The following UQCC1 variants were observed in gnomAD, a reference collection of about 807,000 sequenced individuals.
UQCC1 encodes the protein ubiquinol-cytochrome c reductase complex assembly factor 1.
A neutral mutation model predicts 48.0 loss-of-function variants in UQCC1; 38 were observed. That is an observed-to-expected ratio of 0.79 (90% CI 0.61 to 1.04). UQCC1 has a LOEUF of 1.04. Among genes scored for constraint, UQCC1 ranks in the 50% least tolerant of loss-of-function variants. The pLI, the probability that UQCC1 is intolerant of heterozygous loss-of-function variation, is 0.00. For missense variants in UQCC1, 368 were observed against 381.8 expected (o/e 0.96, Z 0.30); for synonymous variants, 111 against 129.2 (o/e 0.86, Z 0.95).
In UQCC1 at chr20:35,307,170, C is replaced by T. The variant is rs878640; in HGVS notation, c.652-391G>A. ...TGCTCCCCCTGCTGTCCACAGGGCA[C>T]GGGCTGGGAATATTGTGAATGTATG... On this transcript the variant is annotated intron_variant, in intron 8 of 9. Coordinates refer to ENST00000374385, the MANE Select transcript of UQCC1 (RefSeq NM_018244.5). 2,074 of 313,874 alleles carry T rather than the reference C, an allele frequency of 6.6e-3. 19 individuals carry two copies. The highest frequency in any genetic ancestry group is 0.041 in the East Asian group (509 of 12,276). 19.4% of individuals were successfully genotyped at this position (313,874 alleles called of 1,614,324 possible). A position where few individuals can be genotyped will look rare whatever the true frequency, so the allele number is the denominator to read the frequency against.
chr20:35,332,697 G>A (rs1167868531), intron 7 of UQCC1, among the ~76,000 whole-genome samples: 1 of 152,196 alleles, frequency 6.6e-6, no homozygotes, highest in African/African-American at 2.4e-5. Flanking sequence ...TCAGTCCTGG[G>A]GAATGCCTAG....
intron 4 of UQCC1, among the ~76,000 whole-genome samples, chr20:35,380,759 GA>G (rs201297763): frequency 2.4e-4 from 37 of 152,304 alleles, no homozygotes; most frequent in East Asian, 7.7e-4. Context: ...CTGCCATAGT[GA>G]AAGAGAGAAA....
intron 1 of UQCC1, among the ~76,000 whole-genome samples, chr20:35,397,174 G>A (rs1265908447): frequency 6.6e-6 from 1 of 151,004 alleles, no homozygotes; most frequent in Non-Finnish European, 1.5e-5. Context: ...ACTCCAGCCT[G>A]GGCGATAGAG....
chr20:35,351,165 C>T (rs1328749450), intron 6 of UQCC1, among the ~76,000 whole-genome samples: 12 of 151,770 alleles, frequency 7.9e-5, no homozygotes, highest in South Asian at 2.1e-4. Flanking sequence ...CTGAGGTGAG[C>T]GGATTACTTG....
intron 6 of UQCC1, among the ~76,000 whole-genome samples, chr20:35,362,149 G>A (rs949689094): frequency 1.4e-4 from 22 of 152,160 alleles, no homozygotes; most frequent in African/African-American, 4.8e-4. Context: ...GGAAAAACAG[G>A]AATTTGTCAA....
At chr20:35,395,721 C>T (rs2062068230) in intron 1 of UQCC1, among the ~76,000 whole-genome samples, 2 of 152,052 alleles carry the variant, frequency 1.3e-5, no homozygotes, top group Non-Finnish European at 2.9e-5. Flanking sequence ...CCTTTAGTAC[C>T]TAAGTTTAAA....
rs557145557 is a variant in UQCC1, at chr20:35,353,994, A to G, written c.465-6722T>C. On this transcript the variant is annotated intron_variant, in intron 6 of 9. Transcript: ENST00000374385. The stretch of plus-strand genomic sequence containing the variant: ...TATGTTTAGATACATTTAGATACAC[A>G]AATACTTACCATTATAACTGCTTAC... Among the ~76,000 whole-genome samples, 3 of 152,306 alleles carry G rather than the reference A, an allele frequency of 2.0e-5. No individual in the cohort carries two copies. In the South Asian group the frequency reaches 6.2e-4, roughly 32 times the overall value.
At chr20:35,400,143 C>T (rs1423907838) in intron 1 of UQCC1, among the ~76,000 whole-genome samples, 1 of 151,840 alleles carries the variant, frequency 6.6e-6, no homozygotes, top group South Asian at 2.1e-4. Flanking sequence ...CCAGGCTGGT[C>T]TCAAACTCCT....
intron 5 of UQCC1, among the ~76,000 whole-genome samples, chr20:35,370,235 T>C (rs931574531): frequency 1.6e-5 from 2 of 126,260 alleles, no homozygotes; most frequent in Non-Finnish European, 3.8e-5. Flanking sequence ...CTCTTGTTTC[T>C]TTTTTTTTTT....
At chr20:35,399,522 C>G (rs2062128698) in intron 1 of UQCC1, among the ~76,000 whole-genome samples, 1 of 152,084 alleles carries the variant, frequency 6.6e-6, no homozygotes, top group Non-Finnish European at 1.5e-5. Flanking sequence ...TGGGACTCTC[C>G]TCTTCACTCC....
At chr20:35,364,169 A>T (rs2061639657) in intron 6 of UQCC1, among the ~76,000 whole-genome samples, 3 of 152,048 alleles carry the variant, frequency 2.0e-5, no homozygotes, top group Admixed American at 2.0e-4. Context: ...CCTCAATCTA[A>T]AATGCCCACC....
At chr20:35,351,914 G>A (rs918217670) in intron 6 of UQCC1, among the ~76,000 whole-genome samples, 8 of 152,236 alleles carry the variant, frequency 5.3e-5, no homozygotes, top group Non-Finnish European at 1.0e-4. Flanking sequence ...TTCCTATTGT[G>A]TGAAGGTGTA....
chr20:35,387,846 T>G (rs916831218), intron 2 of UQCC1, among the ~76,000 whole-genome samples: 7 of 152,016 alleles, frequency 4.6e-5, no homozygotes, highest in African/African-American at 1.7e-4. Flanking sequence ...GGAGAAAACT[T>G]TCCCAAGCAA....
At chr20:35,395,637 A>G (rs1457169380) in intron 1 of UQCC1, among the ~76,000 whole-genome samples, 2 of 152,188 alleles carry the variant, frequency 1.3e-5, no homozygotes, top group African/African-American at 2.4e-5. Flanking sequence ...GGTTGCAGCC[A>G]CAGGCCAGGA....
At chr20:35,381,146 C>T (rs2061861975) in intron 4 of UQCC1, among the ~76,000 whole-genome samples, 1 of 152,172 alleles carries the variant, frequency 6.6e-6, no homozygotes, top group Non-Finnish European at 1.5e-5. Flanking sequence ...ACTATTATAA[C>T]AGATAATGTG....
intron 9 of UQCC1, 146 bp from the exon 10 acceptor site, chr20:35,304,215 C>T: frequency 9.8e-7 from 1 of 1,022,036 alleles, no homozygotes. Flanking sequence ...CCAGACCAAG[C>T]CGTCCCAGGC....
chr20:35,343,317 C>G (rs1021840903), intron 7 of UQCC1, among the ~76,000 whole-genome samples: 7 of 152,128 alleles, frequency 4.6e-5, no homozygotes, highest in Admixed American at 6.5e-5. Flanking sequence ...TCTTTTAATA[C>G]AGAAACTGAA....
At chr20:35,314,644 G>A (rs2061036707) in intron 8 of UQCC1, 44 bp downstream of exon 8, 3 of 1,538,960 alleles carry the variant, frequency 1.9e-6, no homozygotes, top group African/African-American at 1.4e-5. Context: ...AGCCTTTGCT[G>A]GGGGAGGCCA....
At chr20:35,411,886 G>C (rs565115130) in intron 1 of UQCC1, 54 bp downstream of exon 1, 1 of 1,612,440 alleles carries the variant, frequency 6.2e-7, no homozygotes, top group Non-Finnish European at 8.5e-7. Flanking sequence ...CTGCCTTGTC[G>C]AACTCCAACC....
Sources: allele counts gnomAD v4.1 joint callset (sites outside exome capture counted in the v4.1 genomes callset), GRCh38; gene constraint gnomAD v4.1.1; transcripts MANE v1.5; gene names NCBI Gene and HGNC (gene_info 2026-07-23, HGNC 2026-07-21).